ARID1A: variants seen among roughly 807,000 people sequenced by gnomAD.
ARID1A encodes AT-rich interaction domain 1A.
A neutral mutation model predicts 212.6 loss-of-function variants in ARID1A; 20 were observed. That is an observed-to-expected ratio of 0.09 (90% CI 0.07 to 0.14). The LOEUF is 0.14. Among genes scored for constraint, ARID1A ranks in the 10% least tolerant of loss-of-function variants. The pLI is 1.00. For missense variants in ARID1A, 2,587 were observed against 3,059.0 expected (o/e 0.85, Z 3.64); for synonymous variants, 1,376 against 1,222.1 (o/e 1.13, Z -2.63).
chr1:26,730,590 T>A (rs1313463990), intron 2 of ARID1A, among the ~76,000 whole-genome samples: 1 of 152,220 alleles, frequency 6.6e-6, no homozygotes, highest in African/African-American at 2.4e-5. Context: ...TATTTATTTT[T>A]TTTATTTTTT....
intron 1 of ARID1A, among the ~76,000 whole-genome samples, chr1:26,717,786 A>G (rs1265315908): frequency 1.3e-5 from 2 of 152,190 alleles, no homozygotes; most frequent in African/African-American, 2.4e-5. Context: ...GTGCAGGGTT[A>G]AAATCTTAGA....
chr1:26,762,750 G>T (rs2081004038), intron 7 of ARID1A, among the ~76,000 whole-genome samples: 1 of 152,212 alleles, frequency 6.6e-6, no homozygotes, highest in African/African-American at 2.4e-5. Flanking sequence ...ATCTTCTTCT[G>T]GAAGTTGAAA....
intron 4 of ARID1A, among the ~76,000 whole-genome samples, chr1:26,734,364 G>A (rs61786489): frequency 2.1e-5 from 2 of 95,144 alleles, no homozygotes; most frequent in African/African-American, 8.2e-5. Context: ...TTTTTTTTTG[G>A]TCCTGAGAAG....
At position 26,775,702 on chromosome 1, in the gene ARID1A, A is replaced by T. The variant is rs11550593; in HGVS notation, c.5119A>T (p.Ser1707Cys). The change falls in exon 19 of 20, where the codon AGT becomes TGT. Residue 1707 changes from serine to cysteine, a missense_variant. Coordinates refer to ENST00000324856, the MANE Select transcript of ARID1A (RefSeq NM_006015.6). ...CAACAGCATCATGACCTTCAACCTC[A>T]GTCAGGTGAGTATCAGTGCCTGGGG... is the stretch of plus-strand genomic sequence containing the variant. ...DDNSIMTFNL[S>C]QLPGLLELLV... 1 of 1,614,232 alleles carries T rather than the reference A, an allele frequency of 6.2e-7. No homozygotes were observed. The highest frequency in any genetic ancestry group is 1.7e-5 in the Admixed American group (1 of 60,032).
In ARID1A at chr1:26,772,570, C is replaced by G. The variant is rs775441156; in HGVS notation, c.3477C>G (p.Asp1159Glu). 3 of 1,614,220 alleles carry G rather than the reference C, an allele frequency of 1.9e-6. No individual in the cohort carries two copies. In the East Asian group the frequency reaches 6.7e-5, roughly 36 times the overall value. ...STSSSMAEGG[D>E]LKPPTPASTP... ...GCAGTTCCATGGCAGAAGGAGGAGACTTAAAGCCACCAACTCCAGCATCCA... is the reference window on the plus strand; with the variant it reads ...GCAGTTCCATGGCAGAAGGAGGAGAGTTAAAGCCACCAACTCCAGCATCCA... Residue 1159 changes from aspartate to glutamate, a missense_variant, in exon 13 of 20, where the codon GAC (aspartate) becomes GAG (glutamate). By Grantham distance (45) the Asp-to-Glu change is conservative. Coordinates refer to ENST00000324856, the MANE Select transcript of ARID1A (RefSeq NM_006015.6).
intron 1 of ARID1A, among the ~76,000 whole-genome samples, chr1:26,712,220 T>A (rs1289306771): frequency 6.6e-6 from 1 of 152,196 alleles, no homozygotes; most frequent in Non-Finnish European, 1.5e-5. Flanking sequence ...ATGATGTCCC[T>A]TTTGCCTGTG....
intron 1 of ARID1A, among the ~76,000 whole-genome samples, chr1:26,723,655 GT>G (rs1165793083): frequency 3.3e-5 from 5 of 151,976 alleles, no homozygotes; most frequent in African/African-American, 1.2e-4. Flanking sequence ...TTAGCCATGT[GT>G]TTCTCACTTC....
chr1:26,704,463 G>C (rs2080368268), intron 1 of ARID1A, among the ~76,000 whole-genome samples: 1 of 152,170 alleles, frequency 6.6e-6, no homozygotes, highest in South Asian at 2.1e-4. Context: ...TGGGAGCTGT[G>C]TTCAAGTCAA....
At chr1:26,767,649 ACCTTAT>A in intron 10 of ARID1A, 135 bp from the exon 11 acceptor site, 1 of 876,764 alleles carries the variant, frequency 1.1e-6, no homozygotes. Flanking sequence ...TGGCCCTTCA[ACCTTAT>A]GAAGGTAGGA....
chr1:26,772,235 A>G (rs537514866), intron 12 of ARID1A: 50 of 473,588 alleles, frequency 1.1e-4, no homozygotes, highest in Admixed American at 6.9e-4. Context: ...GAAGCTGGCA[A>G]TGACTCAGGG....
At chr1:26,773,521 C>T in intron 15 of ARID1A, 25 bp downstream of exon 15, 2 of 1,613,180 alleles carry the variant, frequency 1.2e-6, no homozygotes, top group Non-Finnish European at 1.7e-6. Context: ...AGCTCCTGTC[C>T]ACTCCCCCAG....
chr1:26,738,825 C>T (rs1304929872), intron 4 of ARID1A, among the ~76,000 whole-genome samples: 1 of 151,618 alleles, frequency 6.6e-6, no homozygotes, highest in Non-Finnish European at 1.5e-5. Context: ...TCCCAAAGTG[C>T]TGGGATTATA....
chr1:26,717,825 G>T (rs1245047625), intron 1 of ARID1A, among the ~76,000 whole-genome samples: 2 of 152,160 alleles, frequency 1.3e-5, no homozygotes, highest in African/African-American at 4.8e-5. Context: ...CCACACTGAA[G>T]TGATATTTGA....
intron 4 of ARID1A, among the ~76,000 whole-genome samples, chr1:26,743,938 A>T (rs1450446384): frequency 6.6e-6 from 1 of 152,200 alleles, no homozygotes; most frequent in Admixed American, 6.5e-5. Context: ...CAGAAATGTC[A>T]CTAGCGATTT....
intron 1 of ARID1A, among the ~76,000 whole-genome samples, chr1:26,707,073 G>A (rs976909641): frequency 6.6e-6 from 1 of 151,924 alleles, no homozygotes; most frequent in Non-Finnish European, 1.5e-5. Flanking sequence ...CTGTCACCCA[G>A]GCTGGAGTGC....
Position 26,748,361 on chromosome 1 carries a change from C to G in ARID1A, c.1921-12495C>G, listed in dbSNP as rs569405269. Among the ~76,000 whole-genome samples, 25 of 152,254 alleles carry G rather than the reference C, an allele frequency of 1.6e-4. No individual in the cohort carries two copies. The South Asian group carries it at 5.2e-3, about 32-fold the overall frequency. On this transcript the variant is annotated intron_variant, in intron 4 of 19. Coordinates refer to ENST00000324856, the MANE Select transcript of ARID1A (RefSeq NM_006015.6). ...CTTTCTGTGTTCCTTTCCTCTCACT[C>G]CCCTTTCCTGCCCTCTTTACTCAAG...
intron 1 of ARID1A, among the ~76,000 whole-genome samples, chr1:26,726,157 T>TG (rs2080615611): frequency 7.2e-6 from 1 of 138,844 alleles, no homozygotes; most frequent in Non-Finnish European, 1.6e-5. Context: ...CGCCCAGCCT[T>TG]GGGTTTGTTT....
rs2124081681 is a variant in ARID1A at position 26,766,504 on chromosome 1, A to C, written c.2926A>C (p.Thr976Pro). 1 of 1,614,036 alleles carries C rather than the reference A, an allele frequency of 6.2e-7. No homozygotes were observed. The change falls in exon 10 of 20, where the codon ACT (threonine) becomes CCT (proline). Residue 976 changes from threonine to proline, a missense_variant. Coordinates refer to ENST00000324856, the MANE Select transcript of ARID1A (RefSeq NM_006015.6). ...EMMGLGDVKL[T>P]PATKMNNKAD... ...GATGGGCCTTGGGGATGTAAAGTTA[A>C]CTCCAGCCACCAAAATGAACAACAA...
rs2080250140 is a variant in ARID1A at position 26,696,288 on chromosome 1, G to A, written c.-116G>A. 2 of 1,132,848 alleles carry A rather than the reference G, an allele frequency of 1.8e-6. No homozygotes were observed. The highest frequency in any genetic ancestry group is 2.2e-6 in the Non-Finnish European group (2 of 920,022). 70.2% of individuals were successfully genotyped at this position (1,132,848 alleles called of 1,614,324 possible). On this transcript the variant is annotated 5_prime_UTR_variant, in exon 1 of 20. Transcript: ENST00000324856. ...CAGCGCAGCAGCGGAGCCCCGCGAG[G>A]CCCGCCCGGGCGGGTGGGGAGGGCA...
Sources: gnomAD v4.1 joint callset for allele counts (sites outside exome capture counted in the v4.1 genomes callset) on GRCh38, gnomAD v4.1.1 for gene constraint, MANE v1.5 for transcripts, NCBI Gene and HGNC (gene_info 2026-07-23, HGNC 2026-07-21) for gene names.